ATP6AP2: variants seen among roughly 807,000 people sequenced by gnomAD.
The protein encoded by ATP6AP2 is renin receptor.
In ATP6AP2, 1 loss-of-function variant was observed where a neutral mutation model predicts 23.4. The ratio of observed to expected loss-of-function variants is 0.04; its 90% CI spans 0.02 to 0.20. The LOEUF is 0.20. ATP6AP2 is among the 10% of genes least tolerant of loss of function. The pLI, the probability that ATP6AP2 is intolerant of heterozygous loss-of-function variation, is 1.00. For missense variants in ATP6AP2, 174 were observed against 271.3 expected, an observed-to-expected ratio of 0.64 and a Z score of 2.52; for synonymous variants, 90 against 97.1, an observed-to-expected ratio of 0.93 and a Z score of 0.43.
At chrX:40,589,188 A>G (rs1926558901) in intron 2 of ATP6AP2, 72 bp downstream of exon 2, 1 of 1,120,893 alleles carries the variant, frequency 8.9e-7, no homozygotes, top group Non-Finnish European at 1.2e-6. Flanking sequence ...TAATAGCCCA[A>G]AAAAGCATCA....
At chrX:40,599,792 G>A in intron 7 of ATP6AP2, 51 bp downstream of exon 7, 1 of 1,192,054 alleles carries the variant, frequency 8.4e-7, no homozygotes, top group Non-Finnish European at 1.1e-6. Context: ...TTCACTTTTA[G>A]CCTCTTAATA....
intron 5 of ATP6AP2, chrX:40,598,202 C>A: frequency 6.2e-6 from 1 of 161,567 alleles, no homozygotes; most frequent in Non-Finnish European, 1.2e-5. Flanking sequence ...TCCTGTCCTT[C>A]AGTTTCTCCA....
intron 8 of ATP6AP2, among the ~76,000 whole-genome samples, chrX:40,602,664 A>C (rs1926954518): frequency 9.3e-6 from 1 of 107,769 alleles, no homozygotes; most frequent in Non-Finnish European, 1.9e-5. Flanking sequence ...AAAAAAAAAA[A>C]AACCGAATGT....
chrX:40,600,931 T>TAAAAAA, intron 8 of ATP6AP2, 50 bp downstream of exon 8: 6 of 974,714 alleles, frequency 6.2e-6, no homozygotes, highest in Non-Finnish European at 8.3e-6. Context: ...TAACTTCTTA[T>TAAAAAA]AAAAAAAAAA....
intron 3 of ATP6AP2, among the ~76,000 whole-genome samples, chrX:40,593,442 C>T (rs1181777819): frequency 6.3e-5 from 7 of 111,079 alleles, no homozygotes; most frequent in African/African-American, 2.3e-4. Flanking sequence ...TTGCAAATGA[C>T]AGTTTCCCGC....
rs768161771 is a variant in ATP6AP2 at position 40,587,311 on chromosome X, T to C, written c.38-1675T>C. ...ATATGTGTATGGTTCTTGGGAAGCA[T>C]AGGTCTCTTGGTTCCCCATTTTTCT... On this transcript the variant is annotated intron_variant, in intron 1 of 8. Coordinates refer to ENST00000636580, the MANE Select transcript of ATP6AP2 (RefSeq NM_005765.3). Among the ~76,000 whole-genome samples, 4 of 112,466 alleles carry C rather than the reference T, an allele frequency of 3.6e-5. No homozygotes were observed. In the South Asian group the frequency reaches 1.5e-3, roughly 41 times the overall value.
intron 8 of ATP6AP2, among the ~76,000 whole-genome samples, chrX:40,602,746 G>T (rs959993700): frequency 9.3e-6 from 1 of 107,004 alleles, no homozygotes; most frequent in Non-Finnish European, 1.9e-5. Context: ...GTGTGTGGGG[G>T]ATGGGAATGG....
intron 2 of ATP6AP2, chrX:40,589,453 A>G (rs1308096346): frequency 2.5e-5 from 5 of 197,939 alleles, no homozygotes; most frequent in Admixed American, 2.1e-4. Context: ...TCTGAAACAA[A>G]TCATTAGAAA....
At position 40,589,243 on chromosome X, in the gene ATP6AP2, C is replaced by G. The variant is rs1926561392; in HGVS notation, c.168+127C>G. The G allele has an allele frequency of 6.1e-6, 5 of 820,971 alleles. No homozygotes were observed. The Admixed American group carries it at 1.4e-4, about 23-fold the overall frequency. 67.7% of individuals were successfully genotyped at this position (820,971 alleles called of 1,213,427 possible). On this transcript the variant is annotated intron_variant, in intron 2 of 8. Coordinates refer to ENST00000636580, the MANE Select transcript of ATP6AP2 (RefSeq NM_005765.3). The stretch of plus-strand genomic sequence containing the variant: ...GGTACAGATTACAAAAGTTAAAAAG[C>G]TCATCTGGACCAGGCACAGTGGCTC...
intron 6 of ATP6AP2, 42 bp from the exon 7 acceptor site, chrX:40,599,550 T>TA (rs1926851806): frequency 8.3e-7 from 1 of 1,204,003 alleles, no homozygotes; most frequent in South Asian, 1.8e-5. Context: ...TCTTTCATCT[T>TA]ACTTTATCCG....
chrX:40,597,099 A>G (rs769566209), intron 3 of ATP6AP2, 150 bp from the exon 4 acceptor site: 2 of 491,968 alleles, frequency 4.1e-6, no homozygotes, highest in East Asian at 7.6e-5. Context: ...TGTGCCCTCA[A>G]AAGGGCTTGT....
At chrX:40,604,468 G>A (rs1180619460) in intron 8 of ATP6AP2, among the ~76,000 whole-genome samples, 1 of 111,248 alleles carries the variant, frequency 9.0e-6, no homozygotes, top group African/African-American at 3.3e-5. Context: ...TGAGAACTCA[G>A]TATCATGAGA....
intron 1 of ATP6AP2, 63 bp downstream of exon 1, chrX:40,581,165 CG>C (rs1328110755): frequency 3.8e-6 from 3 of 782,928 alleles, no homozygotes; most frequent in African/African-American, 2.2e-5. Flanking sequence ...GCTTGGGGGT[CG>C]GGGGCGGCCG....
chrX:40,603,935 G>A (rs1927006663), intron 8 of ATP6AP2, among the ~76,000 whole-genome samples: 1 of 110,758 alleles, frequency 9.0e-6, no homozygotes, highest in Non-Finnish European at 1.9e-5. Context: ...ATCTTTTTAA[G>A]ACAAACCTGA....
intron 1 of ATP6AP2, among the ~76,000 whole-genome samples, chrX:40,581,855 C>G (rs1926334119): frequency 9.0e-6 from 1 of 111,653 alleles, no homozygotes; most frequent in Non-Finnish European, 1.9e-5. Flanking sequence ...CATTTGACAG[C>G]AGTCCTTAGA....
chrX:40,582,465 A>G (rs1286347585), intron 1 of ATP6AP2, among the ~76,000 whole-genome samples: 1 of 111,356 alleles, frequency 9.0e-6, no homozygotes, highest in Non-Finnish European at 1.9e-5. Context: ...CCAAAAACCT[A>G]TGTGAGGTGT....
chrX:40,585,420 C>T (rs1926440388), intron 1 of ATP6AP2, among the ~76,000 whole-genome samples: 3 of 111,392 alleles, frequency 2.7e-5, no homozygotes, highest in Admixed American at 1.9e-4. Flanking sequence ...AACCAGGAGC[C>T]GTGGCTGCAT....
At chrX:40,584,364 C>CTTTT (rs35576735) in intron 1 of ATP6AP2, among the ~76,000 whole-genome samples, 2 of 87,300 alleles carry the variant, frequency 2.3e-5, no homozygotes, top group East Asian at 3.6e-4. Flanking sequence ...CAGCCTCTAT[C>CTTTT]TTTTTTTTTT....
intron 1 of ATP6AP2, among the ~76,000 whole-genome samples, chrX:40,585,204 A>G (rs1437781653): frequency 8.9e-6 from 1 of 112,405 alleles, no homozygotes; most frequent in East Asian, 2.8e-4. Flanking sequence ...GCTTTGTAAT[A>G]TAGCACAAAT....
Sources: allele counts gnomAD v4.1 joint callset (sites outside exome capture counted in the v4.1 genomes callset), GRCh38; gene constraint gnomAD v4.1.1; transcripts MANE v1.5; gene names NCBI Gene and HGNC (gene_info 2026-07-23, HGNC 2026-07-21).